The following ARHGAP44 variants were observed in gnomAD, a reference collection of about 807,000 sequenced individuals.
The protein encoded by ARHGAP44 is rho GTPase-activating protein 44.
In ARHGAP44, 43 loss-of-function variants were observed where a neutral mutation model predicts 106.8. The ratio of observed to expected loss-of-function variants is 0.40; its 90% CI spans 0.32 to 0.52. The LOEUF is 0.52. ARHGAP44 is among the 20% of genes least tolerant of loss of function. ARHGAP44 has a pLI of 0.48. For synonymous variants in ARHGAP44, 439 were observed against 410.3 expected, an observed-to-expected ratio of 1.07 and a Z score of -0.85; for missense variants, 866 against 1,050.5, an observed-to-expected ratio of 0.82 and a Z score of 2.43.
At chr17:12,823,571 C>A (rs956315071) in intron 1 of ARHGAP44, among the ~76,000 whole-genome samples, 2 of 152,132 alleles carry the variant, frequency 1.3e-5, no homozygotes, top group African/African-American at 4.8e-5. Context: ...TTTCTCTATC[C>A]TTCCATCTGG....
intron 3 of ARHGAP44, among the ~76,000 whole-genome samples, chr17:12,899,606 G>A (rs2037313238): frequency 6.6e-6 from 1 of 151,904 alleles, no homozygotes; most frequent in Non-Finnish European, 1.5e-5. Flanking sequence ...ATCAGGTAAA[G>A]GGAAGGTGGG....
At chr17:12,873,873 C>G (rs1318612021) in intron 1 of ARHGAP44, among the ~76,000 whole-genome samples, 1 of 151,936 alleles carries the variant, frequency 6.6e-6, no homozygotes, top group Non-Finnish European at 1.5e-5. Flanking sequence ...CATTGCACTC[C>G]AGCCTGGATG....
rs528265015 is a variant in ARHGAP44, at chr17:12,900,093, A to G, written c.198+3582A>G. On this transcript the variant is annotated intron_variant, in intron 3 of 20. Coordinates refer to ENST00000379672, the MANE Select transcript of ARHGAP44 (RefSeq NM_014859.6). Reference sequence around the variant, plus strand: ...ATGTGGAATGAAGAATAGAAAGCATATGAATTACCTTTCCATGTTGCCATC... The same window carrying G: ...ATGTGGAATGAAGAATAGAAAGCATGTGAATTACCTTTCCATGTTGCCATC... Among the ~76,000 whole-genome samples, 8 of 152,244 alleles carry G rather than the reference A, an allele frequency of 5.3e-5. No individual in the cohort carries two copies. The East Asian group carries it at 1.4e-3, about 26-fold the overall frequency.
intron 1 of ARHGAP44, among the ~76,000 whole-genome samples, chr17:12,832,467 C>T (rs2035118728): frequency 6.6e-6 from 1 of 152,076 alleles, no homozygotes; most frequent in Non-Finnish European, 1.5e-5. Context: ...AGTAGTGATC[C>T]TGTGGCCTCT....
chr17:12,824,666 ATAATTATTT>A (rs1285328887), intron 1 of ARHGAP44, among the ~76,000 whole-genome samples: 1 of 152,128 alleles, frequency 6.6e-6, no homozygotes, highest in Admixed American at 6.6e-5. Context: ...CCCCAGGATA[ATAATTATTT>A]TCGGTGTTTC....
At chr17:12,871,246 C>G (rs2036397341) in intron 1 of ARHGAP44, among the ~76,000 whole-genome samples, 1 of 152,126 alleles carries the variant, frequency 6.6e-6, no homozygotes, top group Non-Finnish European at 1.5e-5. Context: ...ATTGTAATCC[C>G]CAATGCTGTA....
intron 16 of ARHGAP44, among the ~76,000 whole-genome samples, chr17:12,971,545 A>G (rs918882013): frequency 5.9e-5 from 9 of 152,096 alleles, no homozygotes; most frequent in African/African-American, 1.9e-4. Context: ...TGTTCTTTTC[A>G]TCCTGATACA....
intron 1 of ARHGAP44, among the ~76,000 whole-genome samples, chr17:12,858,121 C>T: frequency 6.6e-6 from 1 of 152,138 alleles, no homozygotes; most frequent in East Asian, 1.9e-4. Context: ...CTGTAGTAAG[C>T]CTTTGGCTAC....
Position 12,806,282 on chromosome 17 carries a change from G to C in ARHGAP44, c.53+16391G>C, listed in dbSNP as rs148753486. On this transcript the variant is annotated intron_variant, in intron 1 of 20. Transcript: ENST00000379672. ...CTAGAACTGAGACCTGAAGGGGAAA[G>C]CATGTTAGCAGGCTAAGGAAAGTGG... Among the ~76,000 whole-genome samples, 919 of 152,284 alleles carry C rather than the reference G, an allele frequency of 6.0e-3. 24 individuals carry two copies. The highest frequency in any genetic ancestry group is 0.044 in the Admixed American group (679 of 15,294).
intron 1 of ARHGAP44, among the ~76,000 whole-genome samples, chr17:12,883,330 GT>G (rs1272204272): frequency 1.3e-5 from 2 of 149,740 alleles, no homozygotes; most frequent in East Asian, 3.9e-4. Context: ...CATTTTGTTA[GT>G]TTTTTTCAAA....
chr17:12,895,136 A>G (rs1156775442), intron 2 of ARHGAP44, among the ~76,000 whole-genome samples, 157 bp downstream of exon 2: 1 of 152,134 alleles, frequency 6.6e-6, no homozygotes, highest in Non-Finnish European at 1.5e-5. Flanking sequence ...TCTCAAAACA[A>G]ACAAAAAACA....
chr17:12,803,117 C>T (rs1277293295), intron 1 of ARHGAP44, among the ~76,000 whole-genome samples: 1 of 150,402 alleles, frequency 6.6e-6, no homozygotes, highest in Non-Finnish European at 1.5e-5. Context: ...GGATTACAGG[C>T]GCCCACCACC....
chr17:12,814,648 T>G (rs2034544468), intron 1 of ARHGAP44, among the ~76,000 whole-genome samples: 2 of 152,148 alleles, frequency 1.3e-5, no homozygotes, highest in Admixed American at 6.5e-5. Flanking sequence ...TTGATGGGAA[T>G]ATATGTTTAT....
In ARHGAP44 at chr17:12,896,430, G is replaced by A; in HGVS notation, c.117G>A (p.Val39=). The stretch of plus-strand genomic sequence containing the variant: ...AGGTGGAGAAGCGTCTGGAGCTGGT[G>A]AAACAGGTGTCCCACAGCACGCACA... ...LLQVEKRLEL[V]KQVSHSTHKK... Residue 39 remains valine (V), a synonymous_variant, in exon 3 of 21, where the codon GTG becomes GTA. Transcript: ENST00000379672. The A allele has an allele frequency of 6.2e-7, 1 of 1,606,270 alleles. No individual in the cohort carries two copies. Among genetic ancestry groups the A allele is most frequent in the Non-Finnish European group, 8.5e-7 (1 of 1,176,734 alleles).
intron 1 of ARHGAP44, among the ~76,000 whole-genome samples, chr17:12,796,840 C>T (rs2033939809): frequency 6.7e-6 from 1 of 150,206 alleles, no homozygotes; most frequent in Admixed American, 6.6e-5. Flanking sequence ...CTCCTGACCT[C>T]GTGATCTGCC....
Position 12,990,148 on chromosome 17 carries a change from G to C in ARHGAP44, c.2434G>C (p.Glu812Gln), listed in dbSNP as rs757408078. Residue 812 changes from glutamate to glutamine, a missense_variant, in exon 21 of 21, where the codon GAG becomes CAG. Transcript: ENST00000379672. Reference sequence around the variant, plus strand: ...AACTGACAAGAGGGACTCGGAGGAGGAGTCTGAGAGCACCGCCCTCTGACA... The same window carrying C: ...AACTGACAAGAGGGACTCGGAGGAGCAGTCTGAGAGCACCGCCCTCTGACA... ...SVTDKRDSEE[E>Q]SESTAL The C allele has an allele frequency of 1.2e-6, 2 of 1,613,162 alleles. No individual in the cohort carries two copies. The highest frequency in any genetic ancestry group is 4.5e-5 in the East Asian group (2 of 44,826).
At chr17:12,857,731 A>G (rs1168224667) in intron 1 of ARHGAP44, among the ~76,000 whole-genome samples, 1 of 152,124 alleles carries the variant, frequency 6.6e-6, no homozygotes, top group East Asian at 1.9e-4. Flanking sequence ...AGGATACCCC[A>G]ACCACCACAA....
At chr17:12,989,876 C>CGACT (rs2040074729) in intron 20 of ARHGAP44, among the ~76,000 whole-genome samples, 156 bp from the exon 21 acceptor site, 1 of 152,160 alleles carries the variant, frequency 6.6e-6, no homozygotes, top group African/African-American at 2.4e-5. Flanking sequence ...ACAACCTGAT[C>CGACT]GACTGTGCAA....
intron 1 of ARHGAP44, among the ~76,000 whole-genome samples, chr17:12,826,025 T>G (rs1401930174): frequency 6.6e-6 from 1 of 152,212 alleles, no homozygotes; most frequent in Non-Finnish European, 1.5e-5. Context: ...TAAACAGTTT[T>G]GTGATTTAAG....
Sources: gnomAD v4.1 joint callset for allele counts (sites outside exome capture counted in the v4.1 genomes callset) on GRCh38, gnomAD v4.1.1 for gene constraint, MANE v1.5 for transcripts, NCBI Gene and HGNC (gene_info 2026-07-23, HGNC 2026-07-21) for gene names.